The following LUZP2 variants were observed in gnomAD, a reference collection of about 807,000 sequenced individuals.
LUZP2 encodes leucine zipper protein 2.
A neutral mutation model predicts 51.6 loss-of-function variants in LUZP2; 52 were observed. That is an observed-to-expected ratio of 1.01 (90% CI 0.81 to 1.27). The LOEUF (loss-of-function observed/expected upper bound fraction) is 1.27, where lower values mean the gene tolerates loss of function less well. LUZP2 is among the 50% of genes most tolerant of loss of function. The probability of loss-of-function intolerance (pLI) is 0.00; values close to 1 mark genes in which losing one functional copy is unlikely to be tolerated. For missense variants in LUZP2, 436 were observed against 395.4 expected (o/e 1.10, Z -0.87); for synonymous variants, 154 against 137.3 (o/e 1.12, Z -0.85).
At chr11:24,563,803 AT>A (rs1174817632) in intron 1 of LUZP2, among the ~76,000 whole-genome samples, 7 of 152,214 alleles carry the variant, frequency 4.6e-5, no homozygotes, top group Middle Eastern at 3.4e-3. Context: ...CTGCTATATA[AT>A]TTTGCTCTTC....
intron 5 of LUZP2, among the ~76,000 whole-genome samples, chr11:24,848,360 T>C (rs1026205226): frequency 1.4e-4 from 22 of 152,176 alleles, no homozygotes; most frequent in African/African-American, 5.1e-4. Flanking sequence ...CTTCACTACA[T>C]TTATTTGTTT....
intron 9 of LUZP2, among the ~76,000 whole-genome samples, chr11:25,045,438 G>C (rs1858277066): frequency 6.7e-6 from 1 of 150,138 alleles, no homozygotes; most frequent in African/African-American, 2.4e-5. Context: ...CTTGCTCTGT[G>C]TGAACTTAAT....
At chr11:25,057,384 T>G (rs1283609917) in intron 10 of LUZP2, among the ~76,000 whole-genome samples, 1 of 152,144 alleles carries the variant, frequency 6.6e-6, no homozygotes, top group African/African-American at 2.4e-5. Context: ...TAAAGAAGAC[T>G]TAAGAAACTT....
intron 9 of LUZP2, among the ~76,000 whole-genome samples, chr11:25,049,458 C>T (rs1858423221): frequency 1.3e-5 from 2 of 151,826 alleles, no homozygotes; most frequent in South Asian, 4.2e-4. Context: ...CTTTTCTTTT[C>T]TTTTCTTTAT....
At chr11:24,562,104 C>T (rs944135619) in intron 1 of LUZP2, among the ~76,000 whole-genome samples, 3 of 151,918 alleles carry the variant, frequency 2.0e-5, no homozygotes, top group East Asian at 1.9e-4. Context: ...GAGGTATCTA[C>T]GTTAGTTTTT....
At chr11:24,620,641 T>C (rs10500987) in intron 1 of LUZP2, among the ~76,000 whole-genome samples, 81,158 of 151,980 alleles carry the variant, frequency 0.53, 22,899 homozygotes, top group African/African-American at 0.74. Flanking sequence ...CATTTAATTT[T>C]GTCAGGTAAC....
chr11:24,783,096 C>T (rs140170976), intron 5 of LUZP2, among the ~76,000 whole-genome samples: 1,820 of 152,104 alleles, frequency 0.012, 21 homozygotes, highest in Non-Finnish European at 0.018. Context: ...ATAAATGTGA[C>T]ATCAACCACA....
At chr11:24,896,236 T>C (rs1853043436) in intron 5 of LUZP2, among the ~76,000 whole-genome samples, 1 of 152,184 alleles carries the variant, frequency 6.6e-6, no homozygotes, top group African/African-American at 2.4e-5. Flanking sequence ...GGCCCCTCTG[T>C]GGGCTGGCCG....
chr11:24,502,042 C>T (rs1850009773), intron 1 of LUZP2, among the ~76,000 whole-genome samples: 1 of 152,078 alleles, frequency 6.6e-6, no homozygotes, highest in Non-Finnish European at 1.5e-5. Flanking sequence ...GAACACAGAC[C>T]TCCCCATAAC....
chr11:24,868,349 C>T (rs1851958378), intron 5 of LUZP2, among the ~76,000 whole-genome samples: 1 of 152,100 alleles, frequency 6.6e-6, no homozygotes, highest in Non-Finnish European at 1.5e-5. Flanking sequence ...TTTTCTGACT[C>T]TGGAAGCATA....
intron 7 of LUZP2, among the ~76,000 whole-genome samples, chr11:24,971,244 T>C (rs1471237408): frequency 6.6e-6 from 1 of 152,116 alleles, no homozygotes; most frequent in African/African-American, 2.4e-5. Flanking sequence ...TTCATGATTA[T>C]TCAAGTGCAT....
chr11:24,527,582 C>T (rs1850850395), intron 1 of LUZP2, among the ~76,000 whole-genome samples: 3 of 143,282 alleles, frequency 2.1e-5, no homozygotes, highest in Non-Finnish European at 3.0e-5. Flanking sequence ...CACACACACA[C>T]ACACACACAC....
chr11:24,827,843 G>A (rs74862269), intron 5 of LUZP2, among the ~76,000 whole-genome samples: 3,189 of 152,132 alleles, frequency 0.021, 115 homozygotes, highest in African/African-American at 0.072. Context: ...AGAAGCCCAG[G>A]CTTCATTGTG....
At chr11:24,689,158 A>G (rs1385059498) in intron 1 of LUZP2, among the ~76,000 whole-genome samples, 1 of 152,160 alleles carries the variant, frequency 6.6e-6, no homozygotes, top group Non-Finnish European at 1.5e-5. Context: ...GTGGGACTTG[A>G]GAGATCCAAG....
chr11:24,738,335 T>C, intron 4 of LUZP2, 33 bp downstream of exon 4: 1 of 1,492,068 alleles, frequency 6.7e-7, no homozygotes, highest in Non-Finnish European at 9.3e-7. Context: ...CCTTTTGCTT[T>C]TGGGCTGGGA....
At chr11:24,663,019 G>A (rs1856073173) in intron 1 of LUZP2, among the ~76,000 whole-genome samples, 1 of 151,902 alleles carries the variant, frequency 6.6e-6, no homozygotes, top group South Asian at 2.1e-4. Context: ...ATAATAATAT[G>A]AATAATAAAT....
intron 4 of LUZP2, chr11:24,751,473 C>T (rs761016403): frequency 8.2e-5 from 36 of 439,984 alleles, no homozygotes; most frequent in Middle Eastern, 1.1e-3. Context: ...GGCAACAGCT[C>T]AGGCCTCTCC....
At chr11:24,705,103 A>G (rs1369527657) in intron 1 of LUZP2, among the ~76,000 whole-genome samples, 1 of 151,946 alleles carries the variant, frequency 6.6e-6, no homozygotes, top group Admixed American at 6.6e-5. Flanking sequence ...TTTTTTCTTG[A>G]AAAACAGTTG....
chr11:24,949,288 TTATCTATCTATC>T (rs201078923), intron 7 of LUZP2, among the ~76,000 whole-genome samples: 6,249 of 141,248 alleles, frequency 0.044, 296 homozygotes, highest in African/African-American at 0.13. Context: ...ATTATCTAGA[TTATCTATCTATC>T]TATCTATCTA....
Sources: allele counts gnomAD v4.1 joint callset (sites outside exome capture counted in the v4.1 genomes callset), GRCh38; gene constraint gnomAD v4.1.1; transcripts MANE v1.5; gene names NCBI Gene and HGNC (gene_info 2026-07-23, HGNC 2026-07-21).